SYN1: variants seen among roughly 807,000 people sequenced by gnomAD.
The protein encoded by SYN1 is synapsin-1.
In SYN1, 8 loss-of-function variants were observed where a neutral mutation model predicts 44.6. The observed-to-expected ratio is 0.18, with a 90% CI of 0.11 to 0.32. SYN1 has a LOEUF of 0.32. Ranked by LOEUF, SYN1 falls within the 10% of genes least tolerant of loss-of-function variation. The probability of loss-of-function intolerance (pLI) is 1.00; values close to 1 mark genes in which losing one functional copy is unlikely to be tolerated. For synonymous variants in SYN1, 275 were observed against 280.1 expected (o/e 0.98, Z 0.18); for missense variants, 451 against 639.4 (o/e 0.71, Z 3.18).
At position 47,619,639 on chromosome X, in the gene SYN1, C is replaced by A. The variant is rs2147933536; in HGVS notation, c.90G>T (p.Pro30=). ...TGTGGGCACCGGGCGGCGGTGGGGG[C>A]GGCTGCGGACGCTGCAGGTCTGTCA... is the stretch of plus-strand genomic sequence containing the variant. ...GYMTDLQRPQ[P]PPPPPGAHSP... The change falls in exon 1 of 13, where the codon CCG becomes CCT. Residue 30 remains proline (P), a synonymous_variant. Coordinates refer to ENST00000295987, the MANE Select transcript of SYN1 (RefSeq NM_006950.3). 1 of 1,159,320 alleles carries A rather than the reference C, an allele frequency of 8.6e-7. No individual in the cohort carries two copies. The highest frequency in any genetic ancestry group is 1.8e-5 in the African/African-American group (1 of 55,411).
intron 1 of SYN1, among the ~76,000 whole-genome samples, chrX:47,617,818 G>T (rs2057935746): frequency 8.9e-6 from 1 of 111,984 alleles, no homozygotes; most frequent in African/African-American, 3.3e-5. Context: ...GTCTTTGGGG[G>T]AGGATGATTA....
At chrX:47,607,424 G>A (rs1426806963) in intron 1 of SYN1, among the ~76,000 whole-genome samples, 1 of 111,917 alleles carries the variant, frequency 8.9e-6, no homozygotes, top group Non-Finnish European at 1.9e-5. Context: ...GTAAAATGTG[G>A]CCTTACACTG....
At chrX:47,578,581 C>A (rs1003252746) in intron 5 of SYN1, among the ~76,000 whole-genome samples, 4 of 111,812 alleles carry the variant, frequency 3.6e-5, no homozygotes, top group African/African-American at 1.3e-4. Flanking sequence ...GGCACTCCCA[C>A]CCCAACACAC....
chrX:47,578,636 C>T (rs1483539475), intron 5 of SYN1, among the ~76,000 whole-genome samples: 1 of 111,790 alleles, frequency 8.9e-6, no homozygotes, highest in African/African-American at 3.3e-5. Flanking sequence ...AAGTCTCCCC[C>T]GCTCCTGGAT....
chrX:47,586,722 A>C (rs2057828903), intron 5 of SYN1: 1 of 1,193,472 alleles, frequency 8.4e-7, no homozygotes, highest in African/African-American at 1.8e-5. Flanking sequence ...TGAAGCCTGC[A>C]CAGTGTCCAC....
At chrX:47,608,888 C>CACAA (rs1569331512) in intron 1 of SYN1, among the ~76,000 whole-genome samples, 2 of 90,259 alleles carry the variant, frequency 2.2e-5, no homozygotes, top group Non-Finnish European at 4.3e-5. Context: ...CTTGGACAGA[C>CACAA]ACACACACAC....
intron 12 of SYN1, 50 bp from the exon 13 acceptor site, chrX:47,573,049 G>A (rs2057765008): frequency 8.4e-7 from 1 of 1,191,098 alleles, no homozygotes; most frequent in Admixed American, 2.2e-5. Flanking sequence ...AGAGGAAGGG[G>A]AGGAAGGGGA....
intron 5 of SYN1, chrX:47,586,616 G>C: frequency 1.7e-6 from 2 of 1,212,079 alleles, no homozygotes; most frequent in Non-Finnish European, 2.2e-6. Context: ...AGGGCTTCCA[G>C]TCCCGTCACC....
intron 5 of SYN1, among the ~76,000 whole-genome samples, chrX:47,584,458 C>T (rs1343940358): frequency 1.8e-5 from 2 of 111,937 alleles, no homozygotes; most frequent in Non-Finnish European, 3.8e-5. Flanking sequence ...GGAGGAGGTT[C>T]AGGAGCCTGA....
chrX:47,615,319 T>C (rs1265808334), intron 1 of SYN1, among the ~76,000 whole-genome samples: 3 of 111,863 alleles, frequency 2.7e-5, no homozygotes, highest in African/African-American at 9.8e-5. Flanking sequence ...TTACTATGTG[T>C]AATGCAGTCT....
chrX:47,596,784 A>T (rs1322888160), intron 5 of SYN1, among the ~76,000 whole-genome samples: 2 of 111,994 alleles, frequency 1.8e-5, no homozygotes, highest in East Asian at 5.6e-4. Context: ...TATATTATTT[A>T]AATGTCCAGT....
In SYN1 at chrX:47,573,967, C is replaced by T. The variant is rs767004712; in HGVS notation, c.1982+35G>A. The T allele has an allele frequency of 9.1e-6, 10 of 1,093,522 alleles. No individual in the cohort carries two copies. The South Asian group carries it at 2.2e-4, about 24-fold the overall frequency. 90.1% of individuals were successfully genotyped at this position (1,093,522 alleles called of 1,213,427 possible). A position where few individuals can be genotyped will look rare whatever the true frequency, so the allele number is the denominator to read the frequency against. On this transcript the variant is annotated intron_variant, in intron 12 of 12. Transcript: ENST00000295987. ...CTGGGGCAGCGGCCCGCTTTGTGAG[C>T]AGCAAGGCGAAGGCTGCTGTAGGGG... is the stretch of plus-strand genomic sequence containing the variant.
At chrX:47,585,238 G>A in intron 5 of SYN1, 3 of 1,201,239 alleles carry the variant, frequency 2.5e-6, no homozygotes, top group African/African-American at 1.7e-5. Flanking sequence ...AGGGGATGCC[G>A]CTGACATCCG....
intron 5 of SYN1, chrX:47,604,678 T>C (rs2057890891): frequency 3.1e-6 from 1 of 319,889 alleles, no homozygotes; most frequent in Non-Finnish European, 5.5e-6. Flanking sequence ...CTATATGTAA[T>C]ATATTCTGAT....
intron 5 of SYN1, among the ~76,000 whole-genome samples, chrX:47,592,160 G>A (rs5953062): frequency 0.3 from 32,723 of 109,708 alleles, 3,646 homozygotes; most frequent in East Asian, 0.4. Flanking sequence ...AGGCAACATA[G>A]CAAGACCGTG....
intron 1 of SYN1, among the ~76,000 whole-genome samples, chrX:47,612,463 A>G (rs1169692952): frequency 9.0e-6 from 1 of 111,431 alleles, no homozygotes; most frequent in East Asian, 2.8e-4. Context: ...CTGTTGTGCT[A>G]GTGCCTGTCT....
chrX:47,602,092 T>C (rs1474163499), intron 5 of SYN1, among the ~76,000 whole-genome samples: 2 of 112,420 alleles, frequency 1.8e-5, no homozygotes, highest in African/African-American at 6.5e-5. Context: ...GCCAGATGCA[T>C]TGTTCTAGAC....
intron 3 of SYN1, 86 bp downstream of exon 3, chrX:47,606,859 G>T: frequency 1.1e-6 from 1 of 918,008 alleles, no homozygotes; most frequent in Non-Finnish European, 1.6e-6. Context: ...CAGAAGGATG[G>T]GTGGGGAGGT....
intron 9 of SYN1, 39 bp from the exon 10 acceptor site, chrX:47,575,313 C>A: frequency 8.3e-7 from 1 of 1,199,987 alleles, no homozygotes; most frequent in Non-Finnish European, 1.1e-6. Flanking sequence ...AGAGGCAGGC[C>A]TCGCACCTGA....
Sources: allele counts gnomAD v4.1 joint callset (sites outside exome capture counted in the v4.1 genomes callset), GRCh38; gene constraint gnomAD v4.1.1; transcripts MANE v1.5; gene names NCBI Gene and HGNC (gene_info 2026-07-23, HGNC 2026-07-21).